ANK2: variants seen among roughly 807,000 people sequenced by gnomAD.
ANK2 encodes ankyrin 2, also known as ankyrin-2.
In ANK2, 83 loss-of-function variants were observed where a neutral mutation model predicts 360.5. The ratio of observed to expected loss-of-function variants is 0.23; its 90% CI spans 0.19 to 0.28. The LOEUF (loss-of-function observed/expected upper bound fraction) is 0.28. ANK2 is among the 10% of genes least tolerant of loss of function. The probability of loss-of-function intolerance (pLI) is 1.00; values close to 1 mark genes in which losing one functional copy is unlikely to be tolerated. For missense variants in ANK2, 4,201 were observed against 4,795.7 expected (o/e 0.88, Z 3.66); for synonymous variants, 1,740 against 1,759.5 (o/e 0.99, Z 0.28).
At position 113,359,191 on chromosome 4, in the gene ANK2, G is replaced by A. The variant is rs781552524; in HGVS notation, c.10573G>A (p.Glu3525Lys). Residue 3525 changes from glutamate to lysine, a missense_variant, in exon 38 of 46, where the codon GAG becomes AAG. Glu to Lys is a moderately conservative substitution (Grantham distance 56). Coordinates refer to ENST00000357077, the MANE Select transcript of ANK2 (RefSeq NM_001148.6). ...TGAAAATCTGCCACCTGTTGAGACC[G>A]AGCACTCAGTTCCTGAGGACATCTT... ...VIENLPPVET[E>K]HSVPEDIFDT... 51 of 1,613,062 alleles carry A rather than the reference G, an allele frequency of 3.2e-5. No homozygotes were observed. The highest frequency in any genetic ancestry group is 3.3e-4 in the Middle Eastern group (2 of 6,072).
At chr4:113,241,377 G>A (rs2039778524) in intron 8 of ANK2, among the ~76,000 whole-genome samples, 1 of 152,144 alleles carries the variant, frequency 6.6e-6, no homozygotes, top group African/African-American at 2.4e-5. Flanking sequence ...TGGCTCTGTT[G>A]CCCAGGGTGG....
At chr4:113,190,306 C>T (rs887984777) in intron 2 of ANK2, among the ~76,000 whole-genome samples, 1 of 151,962 alleles carries the variant, frequency 6.6e-6, no homozygotes, top group Non-Finnish European at 1.5e-5. Context: ...AGACAGGGCT[C>T]TCTATGTTGC....
At chr4:113,209,328 C>G (rs144924658) in intron 4 of ANK2, among the ~76,000 whole-genome samples, 2 of 151,984 alleles carry the variant, frequency 1.3e-5, no homozygotes, top group African/African-American at 4.8e-5. Context: ...TCTCAGTTCA[C>G]TTTTTCTAGA....
intron 2 of ANK2, among the ~76,000 whole-genome samples, chr4:113,030,275 A>C (rs1450052341): frequency 1.3e-5 from 2 of 152,104 alleles, no homozygotes; most frequent in Non-Finnish European, 2.9e-5. Context: ...GGCTCACTTG[A>C]TATCTTCTTA....
intron 1 of ANK2, among the ~76,000 whole-genome samples, chr4:113,078,009 A>T (rs191187656): frequency 6.6e-6 from 1 of 152,344 alleles, no homozygotes; most frequent in Non-Finnish European, 1.5e-5. Context: ...TCAATTGGAC[A>T]TCAGTTTATC....
chr4:112,982,669 C>A (rs151257283), intron 2 of ANK2, among the ~76,000 whole-genome samples: 2 of 152,244 alleles, frequency 1.3e-5, no homozygotes, highest in East Asian at 3.9e-4. Context: ...GAGGGCACTG[C>A]GGGTGTGATC....
At position 113,178,085 on chromosome 4, in the gene ANK2, A is replaced by G. The variant is rs180720406; in HGVS notation, c.186+3568A>G. Among the ~76,000 whole-genome samples the G allele has an allele frequency of 3.9e-3, 599 of 152,264 alleles. 5 individuals are homozygous for G. The highest frequency in any genetic ancestry group is 0.014 in the African/African-American group (566 of 41,550). On this transcript the variant is annotated intron_variant, in intron 2 of 45. Coordinates refer to ENST00000357077, the MANE Select transcript of ANK2 (RefSeq NM_001148.6). ...TCTTCAATTCCCTGACTCGCCAGGT[A>G]TAAAGTAAATGCAAGGCCAGGTGTG...
At chr4:112,788,132 G>A in the ANK2 span, 1 of 1,581,124 alleles carries the variant, frequency 6.3e-7, no homozygotes, top group South Asian at 1.1e-5. Context: ...TTCGAGCTTG[G>A]CAATGCGAGC....
At chr4:112,705,681 C>G in the ANK2 span, among the ~76,000 whole-genome samples, 7 of 152,234 alleles carry the variant, frequency 4.6e-5, no homozygotes, top group Non-Finnish European at 7.3e-5. Flanking sequence ...CTCCCGAACT[C>G]CGGCAGTCAG....
intron 4 of ANK2, among the ~76,000 whole-genome samples, chr4:113,218,023 T>C (rs1349213425): frequency 6.6e-6 from 1 of 152,184 alleles, no homozygotes; most frequent in Non-Finnish European, 1.5e-5. Context: ...TTTAAAGACC[T>C]TGGATAAGGG....
intron 1 of ANK2, among the ~76,000 whole-genome samples, chr4:113,107,426 A>G (rs1417037696): frequency 6.6e-6 from 1 of 152,198 alleles, no homozygotes; most frequent in African/African-American, 2.4e-5. Context: ...CATGTTGGCC[A>G]TGCAGGTCTT....
At chr4:112,951,374 A>G (rs2094980534) in intron 2 of ANK2, among the ~76,000 whole-genome samples, 1 of 152,242 alleles carries the variant, frequency 6.6e-6, no homozygotes, top group Non-Finnish European at 1.5e-5. Flanking sequence ...GAAAAAAATT[A>G]TACTGAGCAG....
the ANK2 span, among the ~76,000 whole-genome samples, chr4:112,773,194 A>G: frequency 6.6e-6 from 1 of 152,036 alleles, no homozygotes. Flanking sequence ...GTGGATGCCT[A>G]TAGTCCCAGC....
intron 1 of ANK2, among the ~76,000 whole-genome samples, chr4:113,076,867 C>A (rs1270174309): frequency 6.6e-6 from 1 of 151,492 alleles, no homozygotes; most frequent in African/African-American, 2.4e-5. Flanking sequence ...TGATTAGTGA[C>A]CATGTTGCAT....
intron 1 of ANK2, among the ~76,000 whole-genome samples, chr4:112,818,988 T>C (rs888422833): frequency 6.6e-6 from 1 of 152,160 alleles, no homozygotes; most frequent in African/African-American, 2.4e-5. Flanking sequence ...TTTTTTTGTT[T>C]GTTTGTTTGT....
rs560394029 is a variant in ANK2 at position 112,969,670 on chromosome 4, A to C, written c.21+65156A>C. 4.6e-5 allele frequency among the ~76,000 whole-genome samples: 7 copies of C among 152,364 alleles called. No homozygotes were observed. In the South Asian group the frequency reaches 1.4e-3, roughly 32 times the overall value. On this transcript the variant is annotated intron_variant, in intron 2 of 30. Coordinates refer to the ANK2 transcript ENST00000503271. ...GCAAACCATATCTAGCCAGTTTTTCAAAATATTTTAGGATATCTTGTTTAT... is the reference window on the plus strand; with the variant it reads ...GCAAACCATATCTAGCCAGTTTTTCCAAATATTTTAGGATATCTTGTTTAT...
At chr4:113,220,653 C>T (rs2099140010) in intron 4 of ANK2, among the ~76,000 whole-genome samples, 1 of 151,930 alleles carries the variant, frequency 6.6e-6, no homozygotes, top group Non-Finnish European at 1.5e-5. Flanking sequence ...TTCATTTTTG[C>T]AAAGTGAAAC....
Position 113,354,873 on chromosome 4 carries a change from G to A in ANK2, c.6255G>A (p.Glu2085=). ...VKKEDAAGGK[E]KVLSHKIPEP... ...AAGAAGATGCAGCTGGAGGAAAGGA[G>A]AAAGTTCTCAGCCACAAAATACCTG... Residue 2085 remains glutamate, a synonymous_variant, in exon 38 of 46, where the codon GAG becomes GAA. Transcript: ENST00000357077. 6.2e-7 allele frequency: 1 copy of A among 1,614,132 alleles called. No individual in the cohort carries two copies. The highest frequency in any genetic ancestry group is 1.3e-5 in the African/African-American group (1 of 75,046).
intron 26 of ANK2, among the ~76,000 whole-genome samples, chr4:113,326,502 T>G (rs530742875): frequency 6.6e-6 from 1 of 152,310 alleles, no homozygotes; most frequent in African/African-American, 2.4e-5. Context: ...TTATAAACAG[T>G]TTTACTCATT....
Sources: gnomAD v4.1 joint callset for allele counts (sites outside exome capture counted in the v4.1 genomes callset) on GRCh38, gnomAD v4.1.1 for gene constraint, MANE v1.5 for transcripts, NCBI Gene and HGNC (gene_info 2026-07-23, HGNC 2026-07-21) for gene names.